Variants in PUDP observed in about 807,000 individuals in gnomAD.
PUDP encodes the protein pseudouridine 5'-phosphatase, also known as pseudouridine-5'-phosphatase.
PUDP carries 8 observed loss-of-function variants against 9.4 expected under a neutral mutation model. That is an observed-to-expected ratio of 0.85 (90% CI 0.50 to 1.53). The LOEUF (loss-of-function observed/expected upper bound fraction) is 1.53. Among genes scored for constraint, PUDP ranks in the 40% most tolerant of loss-of-function variants. PUDP has a pLI of 0.00. For missense variants in PUDP, 188 were observed against 189.7 expected, an observed-to-expected ratio of 0.99 and a Z score of 0.05; for synonymous variants, 99 against 80.7, an observed-to-expected ratio of 1.23 and a Z score of -1.22.
chrX:6,714,298 A>G (rs1352568228), intron 1 of PUDP, among the ~76,000 whole-genome samples: 1 of 112,082 alleles, frequency 8.9e-6, no homozygotes, highest in African/African-American at 3.2e-5. Flanking sequence ...TAATCATTGG[A>G]AAATTGAGGT....
chrX:7,120,132 A>G (rs1354741375), intron 1 of PUDP, among the ~76,000 whole-genome samples: 1 of 111,454 alleles, frequency 9.0e-6, no homozygotes, highest in African/African-American at 3.3e-5. Context: ...CAACTCAGTG[A>G]TGACGCAATC....
chrX:7,056,383 T>C (rs1215974301), intron 3 of PUDP, among the ~76,000 whole-genome samples: 1 of 111,948 alleles, frequency 8.9e-6, no homozygotes, highest in African/African-American at 3.2e-5. Context: ...CTGCACATGC[T>C]CCCGGCAGGC....
intron 3 of PUDP, among the ~76,000 whole-genome samples, chrX:6,841,164 C>A (rs764625333): frequency 9.2e-6 from 1 of 108,973 alleles, no homozygotes; most frequent in East Asian, 2.9e-4. Flanking sequence ...GTAATCCTAG[C>A]TGCTTGGGAG....
intron 1 of PUDP, among the ~76,000 whole-genome samples, chrX:7,032,356 T>C (rs1251507692): frequency 1.8e-5 from 2 of 111,877 alleles, no homozygotes; most frequent in Admixed American, 9.5e-5. Context: ...ATTCCACTTA[T>C]AGATATACAC....
intron 3 of PUDP, among the ~76,000 whole-genome samples, chrX:7,052,059 G>A (rs1930116419): frequency 9.4e-6 from 1 of 106,931 alleles, no homozygotes; most frequent in Non-Finnish European, 1.9e-5. Context: ...GTGAGACAGA[G>A]TCTTGCTCTC....
At chrX:7,028,143 T>C (rs1314671504) in intron 1 of PUDP, among the ~76,000 whole-genome samples, 2 of 108,109 alleles carry the variant, frequency 1.8e-5, no homozygotes, top group Non-Finnish European at 3.8e-5. Flanking sequence ...AATATATAGA[T>C]ATATATAATA....
chrX:6,886,690 A>G (rs1250393300), intron 3 of PUDP, among the ~76,000 whole-genome samples: 1 of 111,252 alleles, frequency 9.0e-6, no homozygotes, highest in Non-Finnish European at 1.9e-5. Context: ...CACCTAGTAC[A>G]GGGACTGGAG....
chrX:7,115,683 CA>C (rs1932173658), intron 1 of PUDP, among the ~76,000 whole-genome samples: 1 of 112,390 alleles, frequency 8.9e-6, no homozygotes, highest in South Asian at 3.7e-4. Context: ...ACCCTAACAG[CA>C]AAAACTGTTC....
intron 2 of PUDP, chrX:7,085,065 A>C (rs1210422710): frequency 1.8e-5 from 2 of 112,012 alleles, no homozygotes; most frequent in Non-Finnish European, 3.8e-5. Flanking sequence ...GTTGTGGTAT[A>C]GCACATGGAG....
intron 1 of PUDP, among the ~76,000 whole-genome samples, chrX:7,029,907 T>C (rs1205218085): frequency 1.8e-5 from 2 of 110,704 alleles, no homozygotes; most frequent in East Asian, 2.8e-4. Context: ...AAGGTTCACA[T>C]TTTTTTTCTA....
intron 3 of PUDP, among the ~76,000 whole-genome samples, chrX:6,884,692 G>A (rs992161362): frequency 8.9e-6 from 1 of 112,208 alleles, no homozygotes; most frequent in Admixed American, 9.4e-5. Flanking sequence ...CAGGTACAAC[G>A]TGGGCATTCC....
At chrX:6,712,332 G>T (rs1924542564) in intron 1 of PUDP, among the ~76,000 whole-genome samples, 1 of 111,050 alleles carries the variant, frequency 9.0e-6, no homozygotes, top group Non-Finnish European at 1.9e-5. Context: ...TGTATTTGTA[G>T]TAGAGACGGG....
chrX:6,965,242 C>T lies in PUDP; in HGVS notation c.*247+11891G>A, dbSNP rs1353426240. 4.5e-5 allele frequency among the ~76,000 whole-genome samples: 5 copies of T among 111,656 alleles called. No homozygotes were observed. In the East Asian group the frequency reaches 1.4e-3, roughly 31 times the overall value. On this transcript the variant is annotated intron_variant and NMD_transcript_variant, in intron 3 of 3. Transcript: ENST00000655425. Reference sequence around the variant, plus strand: ...AGTAAGCAGCCGAAGGTCAGAGAGGCTCTGGCTCATGAAAACAGGCTTAAC... The same window carrying T: ...AGTAAGCAGCCGAAGGTCAGAGAGGTTCTGGCTCATGAAAACAGGCTTAAC...
intron 3 of PUDP, among the ~76,000 whole-genome samples, chrX:6,875,272 T>A (rs893403175): frequency 7.2e-5 from 8 of 110,906 alleles, no homozygotes; most frequent in Non-Finnish European, 1.5e-4. Context: ...TCTCGGTACG[T>A]TGCCCAGGCT....
chrX:6,887,135 GATTTA>G (rs1927437991), intron 3 of PUDP, among the ~76,000 whole-genome samples: 1 of 76,004 alleles, frequency 1.3e-5, no homozygotes, highest in Non-Finnish European at 2.8e-5. Flanking sequence ...AAGTATATTT[GATTTA>G]ATTTAATTAT....
At chrX:6,718,625 ATAAGAAAT>A (rs1473049569) in intron 1 of PUDP, among the ~76,000 whole-genome samples, 1 of 111,324 alleles carries the variant, frequency 9.0e-6, no homozygotes, top group Non-Finnish European at 1.9e-5. Context: ...AGAGTGAGGG[ATAAGAAAT>A]TACTTAATGG....
At chrX:6,827,727 A>G (rs754153626) in intron 3 of PUDP, among the ~76,000 whole-genome samples, 1 of 111,987 alleles carries the variant, frequency 8.9e-6, no homozygotes, top group African/African-American at 3.2e-5. Context: ...CCACTCTACA[A>G]TCTGAAGCCA....
chrX:6,913,180 A>C (rs1927874396), intron 3 of PUDP, among the ~76,000 whole-genome samples: 1 of 111,806 alleles, frequency 8.9e-6, no homozygotes, highest in South Asian at 3.8e-4. Context: ...GGAATTACTG[A>C]GTCAAAGAGA....
intron 3 of PUDP, among the ~76,000 whole-genome samples, chrX:6,741,670 A>C (rs772671257): frequency 1.8e-5 from 2 of 110,893 alleles, no homozygotes; most frequent in South Asian, 7.7e-4. Flanking sequence ...TAGGTAGATA[A>C]GTTGATTGAC....
Sources: gnomAD v4.1 joint callset for allele counts (sites outside exome capture counted in the v4.1 genomes callset) on GRCh38, gnomAD v4.1.1 for gene constraint, MANE v1.5 for transcripts, NCBI Gene and HGNC (gene_info 2026-07-23, HGNC 2026-07-21) for gene names.